The following PXN variants were observed in gnomAD, a reference collection of about 807,000 sequenced individuals.
PXN encodes the protein testicular tissue protein Li 134.
In PXN, 61 loss-of-function variants were observed where a neutral mutation model predicts 103.6. The observed-to-expected ratio is 0.59, with a 90% CI of 0.48 to 0.73. PXN has a LOEUF of 0.73. Ranked by LOEUF, PXN falls within the 30% of genes least tolerant of loss-of-function variation. The probability of loss-of-function intolerance (pLI) is 0.00; values close to 1 mark genes in which losing one functional copy is unlikely to be tolerated. For synonymous variants in PXN, 562 were observed against 607.8 expected (o/e 0.92, Z 1.11); for missense variants, 1,274 against 1,460.3 (o/e 0.87, Z 2.08).
Position 120,216,803 on chromosome 12 carries a change from C to T in PXN, c.1992+38G>A. 1 of 1,568,756 alleles carries T rather than the reference C, an allele frequency of 6.4e-7. No individual in the cohort carries two copies. The highest frequency in any genetic ancestry group is 8.5e-7 in the Non-Finnish European group (1 of 1,170,216). On this transcript the variant is annotated intron_variant, in intron 8 of 14. Transcript: ENST00000637617. This position sits in a 1 kb window ranked among gnomAD's most constrained non-coding sequence, Gnocchi z 5.1. ...AAGAACCCGGACCCCAGGTGCTTGG[C>T]TCTGGCCCAGCCCCAGCCATGGGCA... is the stretch of plus-strand genomic sequence containing the variant.
In PXN at chr12:120,225,965, G is replaced by A. The variant is rs751851105; in HGVS notation, c.14-1588C>T. On this transcript the variant is annotated intron_variant, in intron 1 of 14. Coordinates refer to ENST00000637617, the MANE Select transcript of PXN (RefSeq NM_001385981.1). The surrounding 1 kb of genome is among the most constrained non-coding windows in gnomAD (Gnocchi z 4.4). ...TGTCTGTTCCAAGGCCCAGGACCCC[G>A]GGTCTGGTCGCCTGACCTCCAAGGA... 110 of 757,784 alleles carry A rather than the reference G, an allele frequency of 1.5e-4. No homozygotes were observed. Among genetic ancestry groups the A allele is most frequent in the Non-Finnish European group, 1.7e-4 (104 of 594,516 alleles). The allele number at this position is 757,784 out of a possible 1,614,324, so 46.9% of individuals were successfully genotyped here. A position where few individuals can be genotyped will look rare whatever the true frequency, so the allele number is the denominator to read the frequency against.
chr12:120,226,089 C>A, intron 1 of PXN: 2 of 1,123,662 alleles, frequency 1.8e-6, no homozygotes, highest in Non-Finnish European at 2.2e-6. Flanking sequence ...TGGTAGGTAT[C>A]TAGGTAACGG....
In PXN at chr12:120,226,761, T is replaced by G. The variant is rs1437983563; in HGVS notation, c.14-2384A>C. 7.4e-6 allele frequency: 8 copies of G among 1,074,244 alleles called. No individual in the cohort carries two copies. The South Asian group carries it at 1.5e-4, about 21-fold the overall frequency. 66.5% of individuals were successfully genotyped at this position (1,074,244 alleles called of 1,614,324 possible). A position where few individuals can be genotyped will look rare whatever the true frequency, so the allele number is the denominator to read the frequency against. On this transcript the variant is annotated intron_variant, in intron 1 of 14. Transcript: ENST00000637617. ...CTGAGTTCAAGTGCCAGCTCCCCTC[T>G]CTACCATCCATGCCACAGGGCAAAT... is the stretch of plus-strand genomic sequence containing the variant.
At chr12:120,252,619 A>G (rs1308683067) in intron 1 of PXN, among the ~76,000 whole-genome samples, 1 of 152,122 alleles carries the variant, frequency 6.6e-6, no homozygotes, top group Non-Finnish European at 1.5e-5. Flanking sequence ...ATTTGTCATT[A>G]AACATCGAGC....
intron 1 of PXN, chr12:120,226,639 T>C (rs1276583885): frequency 2.5e-6 from 3 of 1,181,650 alleles, no homozygotes; most frequent in Non-Finnish European, 2.1e-6. Context: ...AACAGGCTCT[T>C]GGGAGCACAG....
At chr12:120,241,244 T>C (rs1162904183) in intron 1 of PXN, among the ~76,000 whole-genome samples, 1 of 152,208 alleles carries the variant, frequency 6.6e-6, no homozygotes, top group Non-Finnish European at 1.5e-5. Context: ...GTCTGATCAC[T>C]AGGGGCTGAA....
intron 1 of PXN, among the ~76,000 whole-genome samples, chr12:120,241,006 T>C (rs572348782): frequency 3.0e-4 from 45 of 152,148 alleles, no homozygotes; most frequent in Non-Finnish European, 5.4e-4. Flanking sequence ...CCAAGGGAGC[T>C]AAACTTTATA....
chr12:120,223,652 A>T, intron 3 of PXN, 66 bp downstream of exon 3: 1 of 1,317,156 alleles, frequency 7.6e-7, no homozygotes, highest in South Asian at 1.3e-5. Context: ...GCTGCCTCCC[A>T]CCCTGGCCAG....
At chr12:120,231,871 T>C (rs1190731420) in intron 1 of PXN, among the ~76,000 whole-genome samples, 3 of 152,204 alleles carry the variant, frequency 2.0e-5, no homozygotes, top group African/African-American at 7.2e-5. Context: ...ATCAGGCTCC[T>C]GGCTGCAGCC....
intron 1 of PXN, among the ~76,000 whole-genome samples, chr12:120,260,005 G>T (rs1893624351): frequency 6.6e-6 from 1 of 152,220 alleles, no homozygotes; most frequent in Admixed American, 6.5e-5. Context: ...GGCACAGGAA[G>T]GCTTCTGATT....
At chr12:120,255,700 G>T (rs573727850) in intron 1 of PXN, among the ~76,000 whole-genome samples, 4 of 150,588 alleles carry the variant, frequency 2.7e-5, no homozygotes, top group African/African-American at 9.7e-5. Flanking sequence ...TCTCAAAAAA[G>T]ATAATAATAA....
At chr12:120,233,003 A>C (rs1566409875) in intron 1 of PXN, among the ~76,000 whole-genome samples, 1 of 151,970 alleles carries the variant, frequency 6.6e-6, no homozygotes, top group Non-Finnish European at 1.5e-5. Flanking sequence ...AGTCACATCA[A>C]TTCTTCCTTC....
intron 1 of PXN, among the ~76,000 whole-genome samples, chr12:120,254,121 C>T (rs930839205): frequency 6.6e-6 from 1 of 152,116 alleles, no homozygotes; most frequent in Non-Finnish European, 1.5e-5. Flanking sequence ...TCAGATGATC[C>T]ACCCACCTCA....
rs1879892926 is a variant in PXN at position 120,210,461 on chromosome 12, A to T, written c.*1853T>A. 6.6e-6 allele frequency: 1 copy of T among 152,264 alleles called. No individual in the cohort carries two copies. Among genetic ancestry groups the T allele is most frequent in the East Asian group, 1.9e-4 (1 of 5,204 alleles). The allele number at this position is 152,264 out of a possible 1,614,324, so 9.4% of individuals were successfully genotyped here. On this transcript the variant is annotated 3_prime_UTR_variant, in exon 15 of 15. Transcript: ENST00000637617. ...ACTAGCACAGGTGAAAATCATGGGC[A>T]AACTTTATTGGCATAAATCACAGGA...
intron 1 of PXN, among the ~76,000 whole-genome samples, chr12:120,233,927 T>A (rs1483018241): frequency 6.6e-6 from 1 of 152,098 alleles, no homozygotes. Context: ...CACAAGGATA[T>A]CCATACCCCC....
Position 120,219,823 on chromosome 12 carries a change from G to A in PXN, c.1100C>T (p.Ser367Phe). The A allele has an allele frequency of 6.3e-7, 1 of 1,598,430 alleles. No individual in the cohort carries two copies. The highest frequency in any genetic ancestry group is 1.1e-5 in the South Asian group (1 of 91,080). The change falls in exon 7 of 15, where the codon TCT (serine) becomes TTT (phenylalanine). Residue 367 changes from serine (S) to phenylalanine (F), a missense_variant. This residue lies in a region of PXN where 1,178 missense variants were observed against 1,309.0 expected (regional missense o/e 0.90). Coordinates refer to ENST00000637617, the MANE Select transcript of PXN (RefSeq NM_001385981.1). The surrounding 1 kb of genome is among the most constrained non-coding windows in gnomAD (Gnocchi z 6.5). ...MPDTFNSRSPSVEGSLWAVGT... is the reference protein window; with the variant it reads ...MPDTFNSRSPFVEGSLWAVGT... ...CACTGCCCACAGAGAACCCTCCACA[G>A]AGGGAGACCTTGAGTTGAAGGTGTC... is the stretch of plus-strand genomic sequence containing the variant.
In PXN at chr12:120,214,837, G is replaced by A. The variant is rs764231232; in HGVS notation, c.2736C>T (p.Gly912=). The A allele has an allele frequency of 3.7e-6, 6 of 1,614,006 alleles. No homozygotes were observed. The highest frequency in any genetic ancestry group is 1.7e-5 in the Admixed American group (1 of 60,026). Residue 912 remains glycine, a synonymous_variant, in exon 12 of 15, where the codon GGC becomes GGT. Coordinates refer to ENST00000637617, the MANE Select transcript of PXN (RefSeq NM_001385981.1). This position sits in a 1 kb window ranked among gnomAD's most constrained non-coding sequence, Gnocchi z 5.0. ...LFSPRCYYCN[G]PILDKVVTAL... ...ATGAGGAACTCACATCCAGGATGGGGCCGTTGCAGTAGTAGCAGCGCGGGG... is the reference window on the plus strand; with the variant it reads ...ATGAGGAACTCACATCCAGGATGGGACCGTTGCAGTAGTAGCAGCGCGGGG...
chr12:120,247,996 T>C (rs1891460830), intron 1 of PXN, among the ~76,000 whole-genome samples: 1 of 151,966 alleles, frequency 6.6e-6, no homozygotes. Flanking sequence ...ACAACAGAGC[T>C]CTAAAGTAGA....
intron 1 of PXN, among the ~76,000 whole-genome samples, chr12:120,233,022 TCTCC>T (rs907837004): frequency 3.9e-5 from 6 of 152,118 alleles, no homozygotes; most frequent in African/African-American, 1.4e-4. Flanking sequence ...TCGCGGGGCC[TCTCC>T]CTGTCATCAC....
Sources: gnomAD v4.1 joint callset for allele counts (sites outside exome capture counted in the v4.1 genomes callset) on GRCh38, gnomAD v4.1.1 for gene constraint, gnomAD v4.1.1 regional missense constraint, Gnocchi (gnomAD v3.1) non-coding constraint, MANE v1.5 for transcripts, NCBI Gene and HGNC (gene_info 2026-07-23, HGNC 2026-07-21) for gene names.